ROR1: variants seen among roughly 807,000 people sequenced by gnomAD.
ROR1 encodes ROR family WNT receptor 1, also known as inactive tyrosine-protein kinase transmembrane receptor ROR1.
ROR1 carries 19 observed loss-of-function variants against 78.8 expected under a neutral mutation model. That is an observed-to-expected ratio of 0.24 (90% CI 0.17 to 0.35). ROR1 has a LOEUF of 0.35. Ranked by LOEUF, ROR1 falls within the 10% of genes least tolerant of loss-of-function variation. The pLI, the probability that ROR1 is intolerant of heterozygous loss-of-function variation, is 1.00. For synonymous variants in ROR1, 386 were observed against 433.6 expected (o/e 0.89, Z 1.36); for missense variants, 917 against 1,177.8 (o/e 0.78, Z 3.24).
chr1:64,032,545 T>A (rs1421606300), intron 2 of ROR1, among the ~76,000 whole-genome samples: 3 of 152,074 alleles, frequency 2.0e-5, no homozygotes, highest in Admixed American at 2.0e-4. Flanking sequence ...AAAAGAATGG[T>A]TCACACAATA....
chr1:64,033,376 A>G lies in ROR1; in HGVS notation c.164-16315A>G, dbSNP rs182265435. ...GATCTTTTATTTCACAGATGAGTAA[A>G]CTGAGGCTCAGAGTTACACTGCTGA... On this transcript the variant is annotated intron_variant, in intron 2 of 8. Coordinates refer to ENST00000371079, the MANE Select transcript of ROR1 (RefSeq NM_005012.4). Among the ~76,000 whole-genome samples the G allele has an allele frequency of 4.1e-3, 619 of 152,314 alleles. 3 individuals carry two copies. Among genetic ancestry groups the G allele is most frequent in the African/African-American group, 0.014 (593 of 41,562 alleles).
intron 8 of ROR1, among the ~76,000 whole-genome samples, chr1:64,161,864 G>A (rs1422058080): frequency 6.6e-6 from 1 of 152,096 alleles, no homozygotes; most frequent in Non-Finnish European, 1.5e-5. Context: ...TCAAATTTGA[G>A]TTATTCAATT....
chr1:63,902,728 T>G (rs538633248), intron 1 of ROR1, among the ~76,000 whole-genome samples: 1 of 152,306 alleles, frequency 6.6e-6, no homozygotes, highest in Admixed American at 6.5e-5. Context: ...GCTTAATAAG[T>G]TATGGAGAGT....
chr1:64,072,968 G>A (rs573225326), intron 4 of ROR1, among the ~76,000 whole-genome samples: 1 of 152,194 alleles, frequency 6.6e-6, no homozygotes, highest in South Asian at 2.1e-4. Flanking sequence ...TAGTTGTGAT[G>A]AAAAAACAAG....
intron 1 of ROR1, among the ~76,000 whole-genome samples, chr1:63,908,121 C>A (rs1645542546): frequency 6.6e-6 from 1 of 152,138 alleles, no homozygotes; most frequent in Non-Finnish European, 1.5e-5. Flanking sequence ...CTGTTATCAC[C>A]CCCAATTCAC....
chr1:64,107,322 T>C (rs1407358841), intron 4 of ROR1, among the ~76,000 whole-genome samples: 2 of 152,216 alleles, frequency 1.3e-5, no homozygotes. Flanking sequence ...AATGTCTGGC[T>C]CTAAGCCTCA....
intron 1 of ROR1, among the ~76,000 whole-genome samples, chr1:63,999,421 T>C (rs779910336): frequency 1.3e-5 from 2 of 152,222 alleles, no homozygotes; most frequent in Non-Finnish European, 2.9e-5. Context: ...AAATATCTGG[T>C]TTGCCATAAG....
chr1:64,072,299 T>C (rs1647010417), intron 4 of ROR1, among the ~76,000 whole-genome samples: 1 of 152,164 alleles, frequency 6.6e-6, no homozygotes, highest in Non-Finnish European at 1.5e-5. Context: ...TCCTATGGCT[T>C]CTTTAAGAGC....
chr1:63,891,355 C>A (rs1449438080), intron 1 of ROR1, among the ~76,000 whole-genome samples: 1 of 152,148 alleles, frequency 6.6e-6, no homozygotes, highest in African/African-American at 2.4e-5. Context: ...TTATTTCATG[C>A]CTCCTGACTA....
intron 2 of ROR1, among the ~76,000 whole-genome samples, chr1:64,014,740 C>CTATATACATATATA (rs1482272108): frequency 5.2e-4 from 15 of 29,058 alleles, no homozygotes; most frequent in African/African-American, 1.6e-3. Flanking sequence ...CATACGCACA[C>CTATATACATATATA]TATATATATA....
At chr1:63,976,148 A>G (rs906010684) in intron 1 of ROR1, among the ~76,000 whole-genome samples, 1 of 152,222 alleles carries the variant, frequency 6.6e-6, no homozygotes, top group Non-Finnish European at 1.5e-5. Flanking sequence ...GTGATACACT[A>G]GTGGTAAAGC....
At chr1:63,911,910 AC>A (rs1645573420) in intron 1 of ROR1, among the ~76,000 whole-genome samples, 1 of 151,912 alleles carries the variant, frequency 6.6e-6, no homozygotes, top group Non-Finnish European at 1.5e-5. Context: ...TGGATTTTCT[AC>A]TCATTCAGCA....
chr1:64,123,494 C>A (rs1277947711), intron 4 of ROR1, among the ~76,000 whole-genome samples: 1 of 152,140 alleles, frequency 6.6e-6, no homozygotes, highest in Non-Finnish European at 1.5e-5. Flanking sequence ...GCTGTGTGAT[C>A]TTGGGAAAGT....
At chr1:64,067,671 A>T (rs1646968378) in intron 4 of ROR1, among the ~76,000 whole-genome samples, 1 of 150,342 alleles carries the variant, frequency 6.7e-6, no homozygotes, top group Non-Finnish European at 1.5e-5. Context: ...ACCACAATGT[A>T]TCATTTTTCA....
chr1:64,048,319 A>G (rs1050222902), intron 2 of ROR1, among the ~76,000 whole-genome samples: 5 of 152,232 alleles, frequency 3.3e-5, no homozygotes, highest in African/African-American at 1.2e-4. Context: ...GTGGCTATCA[A>G]TCAGACAGTG....
chr1:64,130,705 C>T (rs548131094), intron 4 of ROR1, among the ~76,000 whole-genome samples: 6 of 152,312 alleles, frequency 3.9e-5, no homozygotes, highest in East Asian at 3.9e-4. Context: ...TTCAGACCAC[C>T]TCCAATTATA....
Position 63,965,414 on chromosome 1 carries a change from A to ACTTT in ROR1, c.92-43890_92-43887dup, listed in dbSNP as rs933296178. 2.9e-4 allele frequency among the ~76,000 whole-genome samples: 44 copies of ACTTT among 152,260 alleles called. 2 individuals carry two copies. The highest frequency in any genetic ancestry group is 1.0e-3 in the African/African-American group (43 of 41,548). On this transcript the variant is annotated intron_variant, in intron 1 of 8. Coordinates refer to ENST00000371079, the MANE Select transcript of ROR1 (RefSeq NM_005012.4). ...ACGATGAAGAGTGTTGTCGTTGGAAACTTTAGTAATAGTGTTTCTGCATTT... is the reference window on the plus strand; with the variant it reads ...ACGATGAAGAGTGTTGTCGTTGGAAACTTTCTTTAGTAATAGTGTTTCTGCATTT...
chr1:64,174,374 A>G (rs1041237285), intron 8 of ROR1, among the ~76,000 whole-genome samples: 1 of 152,210 alleles, frequency 6.6e-6, no homozygotes, highest in Non-Finnish European at 1.5e-5. Context: ...AGTAAGTGCT[A>G]TGTAAGTATT....
At chr1:63,900,324 G>A (rs1010764156) in intron 1 of ROR1, among the ~76,000 whole-genome samples, 5 of 151,886 alleles carry the variant, frequency 3.3e-5, no homozygotes, top group African/African-American at 1.2e-4. Context: ...TATGGTGGCA[G>A]GCACCTGTAG....
Sources: gnomAD v4.1 joint callset for allele counts (sites outside exome capture counted in the v4.1 genomes callset) on GRCh38, gnomAD v4.1.1 for gene constraint, MANE v1.5 for transcripts, NCBI Gene and HGNC (gene_info 2026-07-23, HGNC 2026-07-21) for gene names.